KDR: variants seen among roughly 807,000 people sequenced by gnomAD.
The protein encoded by KDR is kinase insert domain receptor.
A neutral mutation model predicts 160.9 loss-of-function variants in KDR; 43 were observed. That is an observed-to-expected ratio of 0.27 (90% confidence interval 0.21 to 0.34). The LOEUF (loss-of-function observed/expected upper bound fraction) is 0.34. Among genes scored for constraint, KDR ranks in the 10% least tolerant of loss-of-function variants. KDR has a pLI of 1.00. For synonymous variants in KDR, 617 were observed against 600.1 expected (o/e 1.03, Z -0.41); for missense variants, 1,469 against 1,666.4 (o/e 0.88, Z 2.06).
At position 55,079,534 on chromosome 4, in the gene KDR, C is replaced by A; in HGVS notation, c.*407G>T. 1 of 366,050 alleles carries A rather than the reference C, an allele frequency of 2.7e-6. No individual in the cohort carries two copies. The highest frequency in any genetic ancestry group is 5.1e-6 in the Non-Finnish European group (1 of 196,190). The allele number at this position is 366,050 out of a possible 1,614,324, so 22.7% of individuals were successfully genotyped here. A position where few individuals can be genotyped will look rare whatever the true frequency, so the allele number is the denominator to read the frequency against. ...ATAGACTCAGCCCTGCAAATCCTTCCCATCTTCAACACCTCGAACACTTAC... is the reference window on the plus strand; with the variant it reads ...ATAGACTCAGCCCTGCAAATCCTTCACATCTTCAACACCTCGAACACTTAC... On this transcript the variant is annotated 3_prime_UTR_variant, in exon 30 of 30. Coordinates refer to ENST00000263923, the MANE Select transcript of KDR (RefSeq NM_002253.4).
intron 3 of KDR, 122 bp downstream of exon 3, chr4:55,118,482 G>T: frequency 5.2e-6 from 4 of 764,128 alleles, no homozygotes; most frequent in Non-Finnish European, 9.3e-6. Context: ...AGAATTGTGT[G>T]TATTCCTCTT....
chr4:55,098,045 A>G, intron 17 of KDR, 92 bp downstream of exon 17: 1 of 1,491,760 alleles, frequency 6.7e-7, no homozygotes, highest in East Asian at 2.3e-5. Flanking sequence ...CCAGAATCCA[A>G]CATCTGAATA....
At position 55,082,555 on chromosome 4, in the gene KDR, T is replaced by G. The variant is rs1719761787; in HGVS notation, c.3743A>C (p.Glu1248Ala). ...TFEDIPLEEP[E>A]VKVIPDDNQT... Reference sequence around the variant, plus strand: ...ACTTACATCTGGGATTACTTTTACTTCTGGTTCTTCTAACGGGATATCTTC... The same window carrying G: ...ACTTACATCTGGGATTACTTTTACTGCTGGTTCTTCTAACGGGATATCTTC... Residue 1248 changes from glutamate (E) to alanine (A), a missense_variant, in exon 28 of 30, where the codon GAA becomes GCA. Glu to Ala is a moderately radical substitution (Grantham distance 107). Transcript: ENST00000263923. The G allele has an allele frequency of 1.2e-6, 2 of 1,612,712 alleles. No homozygotes were observed. The highest frequency in any genetic ancestry group is 1.7e-6 in the Non-Finnish European group (2 of 1,178,766).
intron 21 of KDR, among the ~76,000 whole-genome samples, chr4:55,092,971 T>G (rs1720056605): frequency 6.6e-6 from 1 of 152,162 alleles, no homozygotes; most frequent in Admixed American, 6.5e-5. Context: ...TAGAATAAGG[T>G]AACACTGACC....
chr4:55,106,024 ACTCCAAC>A, intron 11 of KDR, 84 bp from the exon 12 acceptor site: 1 of 850,682 alleles, frequency 1.2e-6, no homozygotes, highest in African/African-American at 1.7e-5. Context: ...CTCCACAATC[ACTCCAAC>A]CTGCCTATGC....
chr4:55,089,340 A>G (rs764995689), intron 25 of KDR, 34 bp downstream of exon 25: 10 of 1,493,476 alleles, frequency 6.7e-6, no homozygotes, highest in Non-Finnish European at 5.6e-6. Flanking sequence ...GCGAGCAAAG[A>G]AAGAGAACAC....
At chr4:55,116,988 A>T (rs936806723) in intron 3 of KDR, among the ~76,000 whole-genome samples, 2 of 151,914 alleles carry the variant, frequency 1.3e-5, no homozygotes, top group Non-Finnish European at 2.9e-5. Flanking sequence ...ATACCCAAAG[A>T]CAGGCAGTGT....
intron 3 of KDR, among the ~76,000 whole-genome samples, chr4:55,117,285 G>A (rs1720760188): frequency 6.6e-6 from 1 of 152,184 alleles, no homozygotes; most frequent in Admixed American, 6.5e-5. Flanking sequence ...TTAGGAAGAA[G>A]TAAATAATGA....
chr4:55,109,185 T>C (rs958748511), intron 9 of KDR, among the ~76,000 whole-genome samples: 7 of 151,920 alleles, frequency 4.6e-5, no homozygotes, highest in Non-Finnish European at 7.4e-5. Context: ...TGGGTTCAAG[T>C]GATTCTCCTG....
Position 55,104,730 on chromosome 4 carries a change from A to G in KDR, c.1900T>C (p.Leu634=). Residue 634 remains leucine (L), a synonymous_variant, in exon 13 of 30, where the codon TTG becomes CTG. Transcript: ENST00000263923. The stretch of plus-strand genomic sequence containing the variant: ...CAGACATAGTCTCCTTGGTCCTGCA[A>G]GGATGCATTCTTAAGCTCCATGATC... ...ILIMELKNAS[L]QDQGDYVCLA... 6.2e-7 allele frequency: 1 copy of G among 1,613,880 alleles called. No individual in the cohort carries two copies. Among genetic ancestry groups the G allele is most frequent in the Non-Finnish European group, 8.5e-7 (1 of 1,179,884 alleles).
chr4:55,081,851 C>A, intron 29 of KDR, 105 bp downstream of exon 29: 1 of 740,082 alleles, frequency 1.4e-6, no homozygotes. Context: ...ATTTCTCCAA[C>A]CAACAAAGAC....
At chr4:55,103,037 C>T (rs143456617) in intron 13 of KDR, among the ~76,000 whole-genome samples, 112 of 152,256 alleles carry the variant, frequency 7.4e-4, no homozygotes, top group African/African-American at 2.5e-3. Flanking sequence ...TGATGTTCAG[C>T]GACATTAAAC....
At chr4:55,088,051 A>C (rs7682715) in intron 26 of KDR, among the ~76,000 whole-genome samples, 1 of 152,214 alleles carries the variant, frequency 6.6e-6, no homozygotes, top group African/African-American at 2.4e-5. Flanking sequence ...ACAGAACACA[A>C]GGAGCTACAT....
chr4:55,109,112 T>C (rs1454788059), intron 9 of KDR, among the ~76,000 whole-genome samples: 2 of 152,072 alleles, frequency 1.3e-5, no homozygotes, highest in African/African-American at 4.8e-5. Flanking sequence ...AGACGGAGTT[T>C]TGCTCTTGTC....
At chr4:55,119,458 A>G (rs1354040651) in intron 2 of KDR, among the ~76,000 whole-genome samples, 1 of 152,240 alleles carries the variant, frequency 6.6e-6, no homozygotes, top group Non-Finnish European at 1.5e-5. Context: ...GAAAACAGGC[A>G]ATTAAAAAGT....
chr4:55,112,120 C>T (rs1009086810), intron 7 of KDR, among the ~76,000 whole-genome samples: 1 of 152,112 alleles, frequency 6.6e-6, no homozygotes, highest in African/African-American at 2.4e-5. Context: ...TTTCTCAAGG[C>T]CAGTTCAATT....
At chr4:55,103,103 TG>T (rs1720355964) in intron 13 of KDR, among the ~76,000 whole-genome samples, 2 of 152,186 alleles carry the variant, frequency 1.3e-5, no homozygotes, top group South Asian at 4.1e-4. Context: ...CAGAATCTGG[TG>T]AGGCTAAAAG....
Position 55,104,681 on chromosome 4 carries a change from T to C in KDR, c.1949A>G (p.Lys650Arg). ...YVCLAQDRKT[K>R]KRHCVVRQLT... ...CTGCCTGACCACGCAATGTCTTTTCTTGGTCTTCCTGTCTTGAGCAAGGCA... is the reference window on the plus strand; with the variant it reads ...CTGCCTGACCACGCAATGTCTTTTCCTGGTCTTCCTGTCTTGAGCAAGGCA... The change falls in exon 13 of 30, where the codon AAG becomes AGG. Residue 650 changes from lysine to arginine, a missense_variant. By Grantham distance (26) the Lys-to-Arg change is conservative. This residue lies in a region of KDR where 792 missense variants were observed against 840.9 expected (regional missense o/e 0.94). Transcript: ENST00000263923. 1 of 1,613,800 alleles carries C rather than the reference T, an allele frequency of 6.2e-7. No individual in the cohort carries two copies. Among genetic ancestry groups the C allele is most frequent in the Non-Finnish European group, 8.5e-7 (1 of 1,179,822 alleles).
At chr4:55,115,435 A>G (rs375962644) in intron 3 of KDR, 24 bp from the exon 4 acceptor site, 14 of 1,264,986 alleles carry the variant, frequency 1.1e-5, no homozygotes, top group Non-Finnish European at 1.6e-5. Flanking sequence ...TAGTTTTATT[A>G]ATGAGTTAAT....
Sources: gnomAD v4.1 joint callset for allele counts (sites outside exome capture counted in the v4.1 genomes callset) on GRCh38, gnomAD v4.1.1 for gene constraint, gnomAD v4.1.1 regional missense constraint, MANE v1.5 for transcripts, NCBI Gene and HGNC (gene_info 2026-07-23, HGNC 2026-07-21) for gene names.